Variants in CLIC4 observed in about 807,000 individuals in gnomAD.
The protein encoded by CLIC4 is chloride intracellular channel protein 4.
CLIC4 carries 13 observed loss-of-function variants against 24.6 expected under a neutral mutation model. The ratio of observed to expected loss-of-function variants is 0.53; its 90% CI spans 0.34 to 0.84. The LOEUF is 0.84. CLIC4 is among the 40% of genes least tolerant of loss of function. The pLI is 0.01. For synonymous variants in CLIC4, 104 were observed against 111.3 expected (o/e 0.93, Z 0.41); for missense variants, 227 against 301.7 (o/e 0.75, Z 1.83).
At chr1:24,755,884 C>T (rs1319213065) in intron 1 of CLIC4, among the ~76,000 whole-genome samples, 6 of 151,520 alleles carry the variant, frequency 4.0e-5, no homozygotes, top group African/African-American at 1.5e-4. Context: ...TGCAGTGGTG[C>T]GATCTCGGCT....
At chr1:24,751,935 CTTG>C (rs371381499) in intron 1 of CLIC4, among the ~76,000 whole-genome samples, 48 of 152,312 alleles carry the variant, frequency 3.2e-4, no homozygotes, top group East Asian at 1.9e-3. Context: ...GGAATTTAAA[CTTG>C]TTGTTGTGCC....
At chr1:24,763,948 A>T (rs1026911342) in intron 1 of CLIC4, among the ~76,000 whole-genome samples, 1 of 152,190 alleles carries the variant, frequency 6.6e-6, no homozygotes, top group Admixed American at 6.5e-5. Context: ...GTCCACCACG[A>T]TATTTAGTAG....
intron 4 of CLIC4, 75 bp from the exon 5 acceptor site, chr1:24,839,785 A>C: frequency 1.6e-6 from 2 of 1,283,124 alleles, no homozygotes; most frequent in Non-Finnish European, 2.2e-6. Context: ...ATTGACTCAA[A>C]GAGTCTGCTT....
At chr1:24,808,602 A>G (rs1306348765) in intron 2 of CLIC4, among the ~76,000 whole-genome samples, 1 of 146,294 alleles carries the variant, frequency 6.8e-6, no homozygotes, top group Non-Finnish European at 1.5e-5. Context: ...TCAGCCTTCC[A>G]AGTAGTATGT....
At chr1:24,821,527 T>A (rs1639733973) in intron 3 of CLIC4, among the ~76,000 whole-genome samples, 1 of 152,162 alleles carries the variant, frequency 6.6e-6, no homozygotes, top group African/African-American at 2.4e-5. Flanking sequence ...TTTTTACTTC[T>A]TCTTTGTTTT....
chr1:24,786,121 GGTCAGGAGCCT>G (rs1457430493), intron 1 of CLIC4, among the ~76,000 whole-genome samples: 1 of 152,036 alleles, frequency 6.6e-6, no homozygotes, highest in African/African-American at 2.4e-5. Context: ...ATAATTTAAT[GGTCAGGAGCCT>G]GTCCTTACTT....
At chr1:24,762,144 G>A (rs981264210) in intron 1 of CLIC4, among the ~76,000 whole-genome samples, 3 of 152,190 alleles carry the variant, frequency 2.0e-5, no homozygotes, top group Non-Finnish European at 4.4e-5. Flanking sequence ...GAGGCTGGAT[G>A]TGGTAGCTCA....
intron 1 of CLIC4, among the ~76,000 whole-genome samples, chr1:24,772,316 G>T (rs1305389516): frequency 6.6e-6 from 1 of 151,838 alleles, no homozygotes; most frequent in Non-Finnish European, 1.5e-5. Flanking sequence ...AGTAACCTGT[G>T]CATTGAAATC....
chr1:24,753,899 A>G lies in CLIC4; in HGVS notation c.72+8274A>G, dbSNP rs139852300. 2.6e-3 allele frequency among the ~76,000 whole-genome samples: 400 copies of G among 152,252 alleles called. 3 individuals are homozygous for G. The highest frequency in any genetic ancestry group is 9.0e-3 in the African/African-American group (373 of 41,562). On this transcript the variant is annotated intron_variant, in intron 1 of 5. Coordinates refer to ENST00000374379, the MANE Select transcript of CLIC4 (RefSeq NM_013943.3). The stretch of plus-strand genomic sequence containing the variant: ...ACTTCCCCCCGTCTTTGTTTTTTCT[A>G]ACAGAAAAAAATGAAATAAATTTTC...
chr1:24,784,722 G>C (rs903749987), intron 1 of CLIC4, among the ~76,000 whole-genome samples: 1 of 152,156 alleles, frequency 6.6e-6, no homozygotes, highest in Non-Finnish European at 1.5e-5. Context: ...TATTTATACA[G>C]ACAGAGCTGG....
chr1:24,811,696 G>A (rs1359339822), intron 2 of CLIC4, among the ~76,000 whole-genome samples: 1 of 151,844 alleles, frequency 6.6e-6, no homozygotes, highest in Non-Finnish European at 1.5e-5. Context: ...GGCTGGTCTC[G>A]CTTGAACTCC....
At chr1:24,797,618 C>A in intron 1 of CLIC4, 124 bp from the exon 2 acceptor site, 10 of 503,206 alleles carry the variant, frequency 2.0e-5, no homozygotes, top group South Asian at 3.3e-5. Flanking sequence ...CAAATTTCTA[C>A]TCTTCCTTCC....
chr1:24,802,619 C>T (rs1639503268), intron 2 of CLIC4, among the ~76,000 whole-genome samples: 1 of 152,034 alleles, frequency 6.6e-6, no homozygotes, highest in African/African-American at 2.4e-5. Flanking sequence ...TCTGTACCAT[C>T]CCTACCCCCT....
intron 1 of CLIC4, among the ~76,000 whole-genome samples, chr1:24,749,159 A>T (rs903641278): frequency 3.5e-4 from 53 of 151,930 alleles, no homozygotes; most frequent in African/African-American, 1.2e-3. Flanking sequence ...GGTTGCAGTG[A>T]GCCGAGATAG....
intron 1 of CLIC4, among the ~76,000 whole-genome samples, chr1:24,751,366 T>A (rs1389884482): frequency 6.6e-6 from 1 of 151,960 alleles, no homozygotes; most frequent in Non-Finnish European, 1.5e-5. Context: ...CCCGCCACCA[T>A]GGCCAGCTAA....
At chr1:24,782,519 A>T (rs1320485247) in intron 1 of CLIC4, among the ~76,000 whole-genome samples, 1 of 151,980 alleles carries the variant, frequency 6.6e-6, no homozygotes, top group African/African-American at 2.4e-5. Flanking sequence ...AAAAAAAAAA[A>T]GTTTTAATTT....
At chr1:24,760,416 A>G (rs1638913212) in intron 1 of CLIC4, among the ~76,000 whole-genome samples, 1 of 152,250 alleles carries the variant, frequency 6.6e-6, no homozygotes, top group East Asian at 1.9e-4. Flanking sequence ...TGCTTTCCCT[A>G]GTTGTTTATT....
chr1:24,825,737 C>G (rs1557813965), intron 3 of CLIC4, among the ~76,000 whole-genome samples: 1 of 152,086 alleles, frequency 6.6e-6, no homozygotes, highest in Non-Finnish European at 1.5e-5. Flanking sequence ...TTCCTGAATT[C>G]AAAATAGTAA....
At chr1:24,838,074 T>A (rs1639903450) in intron 4 of CLIC4, among the ~76,000 whole-genome samples, 1 of 152,096 alleles carries the variant, frequency 6.6e-6, no homozygotes, top group South Asian at 2.1e-4. Context: ...CATGAACTCA[T>A]CTCCGTAGCC....
Sources: gnomAD v4.1 joint callset for allele counts (sites outside exome capture counted in the v4.1 genomes callset) on GRCh38, gnomAD v4.1.1 for gene constraint, MANE v1.5 for transcripts, NCBI Gene and HGNC (gene_info 2026-07-23, HGNC 2026-07-21) for gene names.